The following RIMS4 variants were observed in gnomAD, a reference collection of about 807,000 sequenced individuals.
RIMS4 encodes the protein regulating synaptic membrane exocytosis protein 4.
Under a neutral mutation model 29.0 loss-of-function variants are expected in RIMS4, and 9 were observed. That is an observed-to-expected ratio of 0.31 (90% CI 0.19 to 0.54). The LOEUF (loss-of-function observed/expected upper bound fraction) is 0.54. Ranked by LOEUF, RIMS4 falls within the 20% of genes least tolerant of loss-of-function variation. The pLI is 0.94. For synonymous variants in RIMS4, 130 were observed against 152.9 expected (o/e 0.85, Z 1.10); for missense variants, 193 against 365.7 (o/e 0.53, Z 3.85).
chr20:44,771,257 TG>T lies in RIMS4; in HGVS notation c.236+17del. On this transcript the variant is annotated intron_variant, in intron 2 of 5. Coordinates refer to ENST00000372851, the MANE Select transcript of RIMS4 (RefSeq NM_182970.4). ...AAAAGACTGCAAGAACCAGGAGGGC[TG>T]GTGGCCCCACACTTACTTGCCCTCT... 6.3e-7 allele frequency: 1 copy of T among 1,597,004 alleles called. No individual in the cohort carries two copies. Among genetic ancestry groups the T allele is most frequent in the Non-Finnish European group, 8.6e-7 (1 of 1,166,292 alleles).
chr20:44,773,237 G>A (rs2066144635), intron 1 of RIMS4, among the ~76,000 whole-genome samples: 1 of 152,128 alleles, frequency 6.6e-6, no homozygotes, highest in Admixed American at 6.5e-5. Flanking sequence ...ACGTGGGAGA[G>A]CGTGTGTGCC....
chr20:44,803,660 G>A (rs1461919592), intron 1 of RIMS4, among the ~76,000 whole-genome samples: 2 of 152,162 alleles, frequency 1.3e-5, no homozygotes, highest in African/African-American at 2.4e-5. Flanking sequence ...GAAGGGGAGG[G>A]GGGAGGAAGG....
At chr20:44,764,013 T>G (rs1477663733) in intron 2 of RIMS4, among the ~76,000 whole-genome samples, 2 of 133,950 alleles carry the variant, frequency 1.5e-5, no homozygotes, top group Non-Finnish European at 3.2e-5. Context: ...CATCCATTTA[T>G]CCATCCATCC....
chr20:44,810,537 A>T lies in RIMS4; in HGVS notation c.-266T>A, dbSNP rs1311264489. Reference sequence around the variant, plus strand: ...GCGGTGGCGGCGGCGGTGGCGGCGCAGCGCGCTCTGGTCCGCGGCGCCCCC... The same window carrying T: ...GCGGTGGCGGCGGCGGTGGCGGCGCTGCGCGCTCTGGTCCGCGGCGCCCCC... On this transcript the variant is annotated 5_prime_UTR_variant, in exon 1 of 6. Transcript: ENST00000372851. Among the ~76,000 whole-genome samples, 3 of 139,948 alleles carry T rather than the reference A, an allele frequency of 2.1e-5. No homozygotes were observed. The highest frequency in any genetic ancestry group is 4.7e-5 in the Non-Finnish European group (3 of 63,874). The allele number at this position is 139,948 out of a possible 152,430, so 91.8% of individuals were successfully genotyped here. A position where few individuals can be genotyped will look rare whatever the true frequency, so the allele number is the denominator to read the frequency against.
In RIMS4 at chr20:44,810,203, G is replaced by A; in HGVS notation, c.69C>T (p.Cys23=). The part of the protein sequence containing the change: ...SFEALAIYFP[C]MNSFDDEDAG... ...CGTCCTCGTCGTCGAAGGAGTTCAT[G>A]CACGGGAAGTAGATGGCGAGCGCCT... The change falls in exon 1 of 6, where the codon TGC becomes TGT. Residue 23 remains cysteine, a synonymous_variant. Transcript: ENST00000372851. 6.3e-7 allele frequency: 1 copy of A among 1,590,512 alleles called. No individual in the cohort carries two copies. The highest frequency in any genetic ancestry group is 8.6e-7 in the Non-Finnish European group (1 of 1,167,062).
chr20:44,810,522 C>CGGCGGT lies in RIMS4; in HGVS notation c.-257_-252dup, dbSNP rs1555866087. Reference sequence around the variant, plus strand: ...GCGGCGGCGGCGGCGGCGGTGGCGGCGGCGGTGGCGGCGCAGCGCGCTCTG... The same window carrying CGGCGGT: ...GCGGCGGCGGCGGCGGCGGTGGCGGCGGCGGTGGCGGTGGCGGCGCAGCGCGCTCTG... On this transcript the variant is annotated 5_prime_UTR_variant, in exon 1 of 6. Coordinates refer to ENST00000372851, the MANE Select transcript of RIMS4 (RefSeq NM_182970.4). 1.0e-4 allele frequency among the ~76,000 whole-genome samples: 15 copies of CGGCGGT among 143,578 alleles called. No individual in the cohort carries two copies. Among genetic ancestry groups the CGGCGGT allele is most frequent in the East Asian group, 4.0e-4 (2 of 4,980 alleles). The allele number at this position is 143,578 out of a possible 152,430, so 94.2% of individuals were successfully genotyped here.
At chr20:44,802,362 C>G (rs536981655) in intron 1 of RIMS4, among the ~76,000 whole-genome samples, 1 of 152,276 alleles carries the variant, frequency 6.6e-6, no homozygotes, top group East Asian at 1.9e-4. Context: ...TTTACAGATG[C>G]GGACATTGAA....
chr20:44,782,720 C>T (rs549334822), intron 1 of RIMS4, among the ~76,000 whole-genome samples: 1 of 152,298 alleles, frequency 6.6e-6, no homozygotes, highest in South Asian at 2.1e-4. Flanking sequence ...CTTCCAGCTG[C>T]TGCACTTTTC....
intron 1 of RIMS4, among the ~76,000 whole-genome samples, chr20:44,793,290 T>C (rs1410449252): frequency 6.6e-6 from 1 of 152,214 alleles, no homozygotes; most frequent in Admixed American, 6.5e-5. Context: ...ATCAGGCTAT[T>C]AAATAAAATA....
At chr20:44,776,479 T>C (rs2066160729) in intron 1 of RIMS4, among the ~76,000 whole-genome samples, 1 of 152,144 alleles carries the variant, frequency 6.6e-6, no homozygotes, top group South Asian at 2.1e-4. Context: ...AACTTCCTCA[T>C]CCTGGTTCTC....
intron 4 of RIMS4, among the ~76,000 whole-genome samples, chr20:44,757,274 G>A (rs1221219539): frequency 6.6e-6 from 1 of 151,898 alleles, no homozygotes; most frequent in Admixed American, 6.6e-5. Context: ...CCCTTCCTTT[G>A]CTCACTCTGT....
At chr20:44,791,052 G>C (rs918806625) in intron 1 of RIMS4, among the ~76,000 whole-genome samples, 3 of 152,214 alleles carry the variant, frequency 2.0e-5, no homozygotes, top group Admixed American at 2.0e-4. Context: ...CTAGAAATCA[G>C]AGTATCCCTG....
intron 1 of RIMS4, among the ~76,000 whole-genome samples, chr20:44,802,927 C>G (rs2066283162): frequency 6.6e-6 from 1 of 152,152 alleles, no homozygotes; most frequent in Admixed American, 6.5e-5. Flanking sequence ...ACAGTTATTC[C>G]CTCTGCCTGG....
At chr20:44,772,717 AGACATG>A (rs771153459) in intron 1 of RIMS4, among the ~76,000 whole-genome samples, 19 of 152,308 alleles carry the variant, frequency 1.2e-4, no homozygotes, top group Non-Finnish European at 2.1e-4. Context: ...CACAAAGTCC[AGACATG>A]GGCTGATTCC....
At chr20:44,773,316 G>A (rs181261177) in intron 1 of RIMS4, among the ~76,000 whole-genome samples, 4 of 151,854 alleles carry the variant, frequency 2.6e-5, no homozygotes, top group African/African-American at 4.8e-5. Flanking sequence ...AGCCTCCCCC[G>A]ACCCTCTATC....
chr20:44,810,524 G>GCGGTGGCGGCGC lies in RIMS4; in HGVS notation c.-265_-254dup, dbSNP rs1174326367. On this transcript the variant is annotated 5_prime_UTR_variant, in exon 1 of 6. Transcript: ENST00000372851. ...GGCGGCGGCGGCGGCGGTGGCGGCGGCGGTGGCGGCGCAGCGCGCTCTGGT... is the reference window on the plus strand; with the variant it reads ...GGCGGCGGCGGCGGCGGTGGCGGCGGCGGTGGCGGCGCCGGTGGCGGCGCAGCGCGCTCTGGT... Among the ~76,000 whole-genome samples the GCGGTGGCGGCGC allele has an allele frequency of 6.9e-6, 1 of 145,144 alleles. No individual in the cohort carries two copies. The highest frequency in any genetic ancestry group is 2.5e-5 in the African/African-American group (1 of 40,360).
intron 1 of RIMS4, among the ~76,000 whole-genome samples, chr20:44,774,770 T>A (rs2145457066): frequency 6.6e-6 from 1 of 152,286 alleles, no homozygotes; most frequent in East Asian, 1.9e-4. Flanking sequence ...GAAGGGGCCG[T>A]CCTTCTCCTG....
At chr20:44,787,300 ATGG>A (rs1169524769) in intron 1 of RIMS4, among the ~76,000 whole-genome samples, 1 of 152,058 alleles carries the variant, frequency 6.6e-6, no homozygotes, top group Non-Finnish European at 1.5e-5. Flanking sequence ...GATGGAAGAG[ATGG>A]TGGCGATGAT....
chr20:44,802,477 G>A (rs567509904), intron 1 of RIMS4, among the ~76,000 whole-genome samples: 22 of 152,230 alleles, frequency 1.4e-4, no homozygotes, highest in African/African-American at 2.2e-4. Context: ...CTTTCTGTCC[G>A]TCCATGGAAG....
Sources: gnomAD v4.1 joint callset for allele counts (sites outside exome capture counted in the v4.1 genomes callset) on GRCh38, gnomAD v4.1.1 for gene constraint, MANE v1.5 for transcripts, NCBI Gene and HGNC (gene_info 2026-07-23, HGNC 2026-07-21) for gene names.